Variants in HDAC5 observed in about 807,000 individuals in gnomAD.
HDAC5 encodes antigen NY-CO-9.
In HDAC5, 25 loss-of-function variants were observed where a neutral mutation model predicts 133.3. The ratio of observed to expected loss-of-function variants is 0.19; its 90% CI spans 0.14 to 0.26. The LOEUF is 0.26. HDAC5 is among the 10% of genes least tolerant of loss of function. The pLI is 1.00. For missense variants in HDAC5, 1,041 were observed against 1,460.5 expected (o/e 0.71, Z 4.68); for synonymous variants, 589 against 610.8 (o/e 0.96, Z 0.53).
At chr17:44,111,483 C>T (rs1462310462) in intron 2 of HDAC5, 1 of 443,504 alleles carries the variant, frequency 2.3e-6, no homozygotes, top group South Asian at 1.6e-5. Context: ...CCAGGGTACC[C>T]ATGCATCTGG....
In HDAC5 at chr17:44,093,171, G is replaced by C; in HGVS notation, c.562C>G (p.Gln188Glu). The C allele has an allele frequency of 6.2e-7, 1 of 1,613,722 alleles. No homozygotes were observed. The highest frequency in any genetic ancestry group is 8.5e-7 in the Non-Finnish European group (1 of 1,179,804). ...TTTGACTTCGACAAGAGGAATTCCTGGAGCCTCAGCTTTACCTCAGTGCTG... is the reference window on the plus strand; with the variant it reads ...TTTGACTTCGACAAGAGGAATTCCTCGAGCCTCAGCTTTACCTCAGTGCTG... ...IASTEVKLRL[Q>E]EFLLSKSKEP... The change falls in exon 6 of 27, where the codon CAG (glutamine) becomes GAG (glutamate). Residue 188 changes from glutamine to glutamate, a missense_variant. By Grantham distance (29) the Gln-to-Glu change is conservative. This residue lies in a region of HDAC5 where 109 missense variants were observed against 168.0 expected (regional missense o/e 0.65). Coordinates refer to ENST00000682912, the MANE Select transcript of HDAC5 (RefSeq NM_005474.5).
At chr17:44,081,958 T>G (rs1343303498) in intron 20 of HDAC5, 1 of 152,228 alleles carries the variant, frequency 6.6e-6, no homozygotes, top group Non-Finnish European at 1.5e-5. Flanking sequence ...CCAAGAGATT[T>G]TGTCCTTCCT....
At chr17:44,096,798 T>C (rs892666996) in intron 3 of HDAC5, among the ~76,000 whole-genome samples, 2 of 148,514 alleles carry the variant, frequency 1.3e-5, no homozygotes, top group African/African-American at 5.0e-5. Flanking sequence ...GGAGTCTCAC[T>C]GCAACCTCCG....
Position 44,110,706 on chromosome 17 carries a change from G to A in HDAC5, c.94+23C>T, listed in dbSNP as rs1299452883. 2.5e-6 allele frequency: 4 copies of A among 1,602,630 alleles called. No individual in the cohort carries two copies. The South Asian group carries it at 3.3e-5, about 13-fold the overall frequency. On this transcript the variant is annotated intron_variant, in intron 3 of 26. Coordinates refer to ENST00000682912, the MANE Select transcript of HDAC5 (RefSeq NM_005474.5). ...CAAGGATGCCAGATGACAGAGGGCA[G>A]GCAGGGACATCAAGGCACTTACCTG...
At chr17:44,101,641 T>C (rs1273604300) in intron 3 of HDAC5, among the ~76,000 whole-genome samples, 2 of 152,158 alleles carry the variant, frequency 1.3e-5, no homozygotes, top group Non-Finnish European at 2.9e-5. Flanking sequence ...TCTGTTTCAA[T>C]ACCCTCAAGA....
Position 44,092,410 on chromosome 17 carries a change from G to A in HDAC5, c.890C>T (p.Ala297Val), listed in dbSNP as rs1394780244. The A allele has an allele frequency of 6.2e-7, 1 of 1,613,906 alleles. No individual in the cohort carries two copies. The highest frequency in any genetic ancestry group is 8.5e-7 in the Non-Finnish European group (1 of 1,179,860). Residue 297 changes from alanine (A) to valine (V), a missense_variant, in exon 8 of 27, where the codon GCT (alanine) becomes GTT (valine). Transcript: ENST00000682912. ...AGGCCCGGCACCTGTGATCTCAACA[G>A]CTCTCTTCTTAAAGGTGCTAATAAC... ...GTVISTFKKRAVEITGAGPGA... is the reference protein window; with the variant it reads ...GTVISTFKKRVVEITGAGPGA...
chr17:44,080,921 GCT>G, intron 20 of HDAC5, 39 bp from the exon 21 acceptor site: 1 of 1,613,552 alleles, frequency 6.2e-7, no homozygotes, highest in Non-Finnish European at 8.5e-7. Flanking sequence ...AATGGCCCGC[GCT>G]CTGACCCAAT....
intron 3 of HDAC5, among the ~76,000 whole-genome samples, chr17:44,104,163 A>T (rs2051791228): frequency 6.6e-6 from 1 of 151,894 alleles, no homozygotes; most frequent in African/African-American, 2.4e-5. Context: ...TCTACTAAAA[A>T]TACAAAAATT....
intron 1 of HDAC5, among the ~76,000 whole-genome samples, chr17:44,122,367 C>A (rs73314435): frequency 5.9e-5 from 9 of 152,196 alleles, no homozygotes; most frequent in South Asian, 2.1e-4. Context: ...CCCTCCCCCC[C>A]ACCTCCTTTT....
Position 44,094,810 on chromosome 17 carries a change from A to G in HDAC5, c.95-976T>C, listed in dbSNP as rs572939226. Among the ~76,000 whole-genome samples the G allele has an allele frequency of 5.9e-5, 9 of 151,564 alleles. No homozygotes were observed. In the East Asian group the frequency reaches 9.7e-4, roughly 16 times the overall value. ...TGTGTGTGTATTTATCTCTCTACCT[A>G]TATATATATCAGAGACAAGGTCTTG... On this transcript the variant is annotated intron_variant, in intron 3 of 26. Transcript: ENST00000682912.
intron 1 of HDAC5, among the ~76,000 whole-genome samples, chr17:44,119,455 TA>T (rs2052848245): frequency 6.6e-6 from 1 of 152,230 alleles, no homozygotes; most frequent in South Asian, 2.1e-4. Context: ...CCCATCATCC[TA>T]ACCCACCTAC....
intron 3 of HDAC5, among the ~76,000 whole-genome samples, chr17:44,108,302 T>C (rs574542103): frequency 6.6e-6 from 1 of 152,124 alleles, no homozygotes; most frequent in East Asian, 1.9e-4. Context: ...GGCCCCAGAA[T>C]AGAGCCCAGG....
rs1385241260 is a variant in HDAC5, at chr17:44,077,543, C to A, written c.*833G>T. 6.6e-6 allele frequency: 1 copy of A among 152,304 alleles called. No individual in the cohort carries two copies. Among genetic ancestry groups the A allele is most frequent in the Non-Finnish European group, 1.5e-5 (1 of 68,086 alleles). The allele number at this position is 152,304 out of a possible 1,614,324, so 9.4% of individuals were successfully genotyped here. A position where few individuals can be genotyped will look rare whatever the true frequency, so the allele number is the denominator to read the frequency against. Reference sequence around the variant, plus strand: ...CTCTCACCAGCCTGGAGCCCCTCTGCAGGGACCACCTTCTCCCCTTGCCCA... The same window carrying A: ...CTCTCACCAGCCTGGAGCCCCTCTGAAGGGACCACCTTCTCCCCTTGCCCA... On this transcript the variant is annotated 3_prime_UTR_variant, in exon 27 of 27. Transcript: ENST00000682912.
At chr17:44,083,162 C>T (rs898376853) in intron 18 of HDAC5, among the ~76,000 whole-genome samples, 17 of 151,866 alleles carry the variant, frequency 1.1e-4, no homozygotes, top group Non-Finnish European at 5.9e-5. Context: ...GTAGAGACAG[C>T]GTTTTACTAT....
chr17:44,107,515 G>A (rs1438815586), intron 3 of HDAC5, among the ~76,000 whole-genome samples: 7 of 151,012 alleles, frequency 4.6e-5, no homozygotes, highest in African/African-American at 1.7e-4. Flanking sequence ...GGCTGAGGCA[G>A]GAGAATCGCT....
intron 23 of HDAC5, among the ~76,000 whole-genome samples, 161 bp downstream of exon 23, chr17:44,079,946 C>T (rs1365725806): frequency 1.3e-5 from 2 of 152,112 alleles, no homozygotes; most frequent in Non-Finnish European, 2.9e-5. Flanking sequence ...CCGGGGTTGG[C>T]AGAGGACAAG....
At chr17:44,115,138 T>C (rs1325809316) in intron 2 of HDAC5, among the ~76,000 whole-genome samples, 4 of 152,294 alleles carry the variant, frequency 2.6e-5, no homozygotes, top group Non-Finnish European at 5.9e-5. Flanking sequence ...AGCCTGTTGG[T>C]GATACTCAGT....
chr17:44,111,382 G>T, intron 2 of HDAC5: 1 of 345,720 alleles, frequency 2.9e-6, no homozygotes. Flanking sequence ...GGAAGCGCCA[G>T]GCGAGGGGGA....
At chr17:44,082,144 A>G (rs2050423088) in intron 20 of HDAC5, 2 of 160,738 alleles carry the variant, frequency 1.2e-5, no homozygotes, top group Admixed American at 5.9e-5. Flanking sequence ...TGGGTAAGTC[A>G]CGCAACAACA....
Sources: allele counts gnomAD v4.1 joint callset (sites outside exome capture counted in the v4.1 genomes callset), GRCh38; gene constraint gnomAD v4.1.1; regional missense constraint gnomAD v4.1.1; transcripts MANE v1.5; gene names NCBI Gene and HGNC (gene_info 2026-07-23, HGNC 2026-07-21).